C1S: variants seen among roughly 807,000 people sequenced by gnomAD.
The protein encoded by C1S is complement C1s, also known as complement C1s subcomponent.
A neutral mutation model predicts 54.0 loss-of-function variants in C1S; 31 were observed. That is an observed-to-expected ratio of 0.57 (90% CI 0.43 to 0.78). The LOEUF is 0.78. Ranked by LOEUF, C1S falls within the 30% of genes least tolerant of loss-of-function variation. The pLI is 0.00. For missense variants in C1S, 727 were observed against 851.8 expected, an observed-to-expected ratio of 0.85 and a Z score of 1.82; for synonymous variants, 292 against 303.6, an observed-to-expected ratio of 0.96 and a Z score of 0.40.
At position 7,061,832 on chromosome 12, in the gene C1S, C is replaced by G. The variant is rs782546422; in HGVS notation, c.-74-7C>G. ...AGACAAATACAGCCAGGCCTGCCACCCCTTAGGCTCCAAAGTCCGGAGGTG... is the reference window on the plus strand; with the variant it reads ...AGACAAATACAGCCAGGCCTGCCACGCCTTAGGCTCCAAAGTCCGGAGGTG... On this transcript the variant is annotated splice_region_variant and splice_polypyrimidine_tract_variant and intron_variant, in intron 1 of 11. Transcript: ENST00000360817. The G allele has an allele frequency of 6.6e-7, 1 of 1,521,516 alleles. No individual in the cohort carries two copies. Among genetic ancestry groups the G allele is most frequent in the East Asian group, 2.3e-5 (1 of 44,376 alleles). The allele number at this position is 1,521,516 out of a possible 1,614,324, so 94.3% of individuals were successfully genotyped here. A position where few individuals can be genotyped will look rare whatever the true frequency, so the allele number is the denominator to read the frequency against.
At chr12:7,063,348 T>C in intron 4 of C1S, 5 of 522,356 alleles carry the variant, frequency 9.6e-6, no homozygotes, top group South Asian at 8.0e-5. Flanking sequence ...GGATTTTTCC[T>C]ATTTTAACAC....
intron 9 of C1S, 46 bp downstream of exon 9, chr12:7,067,163 GAA>G: frequency 8.1e-7 from 1 of 1,234,978 alleles, no homozygotes; most frequent in South Asian, 1.2e-5. Flanking sequence ...CTCTCAGAGA[GAA>G]TGGAAAGATC....
rs782700707 is a variant in C1S at position 7,067,084 on chromosome 12, G to C, written c.1033G>C (p.Gly345Arg). The change falls in exon 9 of 12, where the codon GGA becomes CGA. Residue 345 changes from glycine to arginine, a missense_variant. Physicochemically the swap from Gly to Arg is moderately radical, Grantham distance 125 (BLOSUM62 -2). Transcript: ENST00000360817. The part of the protein sequence containing the change: ...TSFYSTCQSN[G>R]KWSNSKLKCQ... ...TTTCTATTCGACTTGTCAAAGCAAT[G>C]GAAAGTGGAGTAATTCCAAACTGAA... 1 of 1,611,620 alleles carries C rather than the reference G, an allele frequency of 6.2e-7. No homozygotes were observed. Among genetic ancestry groups the C allele is most frequent in the South Asian group, 1.1e-5 (1 of 91,028 alleles).
Position 7,065,283 on chromosome 12 carries a change from G to T in C1S, c.701G>T (p.Cys234Phe). The T allele has an allele frequency of 6.2e-7, 1 of 1,613,544 alleles. No homozygotes were observed. Among genetic ancestry groups the T allele is most frequent in the Non-Finnish European group, 8.5e-7 (1 of 1,179,444 alleles). ...GAAGCAGCTGACTCAGCGGGAAACTGCCTTGACAGTTTAGTTGTGCGTGAT... is the reference window on the plus strand; with the variant it reads ...GAAGCAGCTGACTCAGCGGGAAACTTCCTTGACAGTTTAGTTGTGCGTGAT... Reference protein sequence around the residue: ...DVEAADSAGNCLDSLVFVAGD... With the variant: ...DVEAADSAGNFLDSLVFVAGD... The change falls in exon 6 of 12, where the codon TGC (cysteine) becomes TTC (phenylalanine). Residue 234 changes from cysteine (C) to phenylalanine (F), a missense_variant. Coordinates refer to ENST00000360817, the MANE Select transcript of C1S (RefSeq NM_001734.5).
chr12:7,064,977 A>G, intron 5 of C1S, 123 bp from the exon 6 acceptor site: 1 of 791,486 alleles, frequency 1.3e-6, no homozygotes, highest in Non-Finnish European at 2.1e-6. Flanking sequence ...CAGTTAGGGC[A>G]GGGATCTCAG....
chr12:7,067,573 C>T, intron 9 of C1S, 70 bp from the exon 10 acceptor site: 6 of 1,577,658 alleles, frequency 3.8e-6, no homozygotes, highest in Non-Finnish European at 5.2e-6. Flanking sequence ...TGAGGATGAA[C>T]CTGGCCCCAT....
At chr12:7,065,056 C>A in intron 5 of C1S, 44 bp from the exon 6 acceptor site, 4 of 1,501,750 alleles carry the variant, frequency 2.7e-6, no homozygotes, top group Non-Finnish European at 3.7e-6. Flanking sequence ...AATTCCTTTG[C>A]TTGACCCTGT....
At position 7,065,096 on chromosome 12, in the gene C1S, T is replaced by C. The variant is rs782017965; in HGVS notation, c.518-4T>C. On this transcript the variant is annotated splice_polypyrimidine_tract_variant and splice_region_variant and intron_variant, in intron 5 of 11. Coordinates refer to ENST00000360817, the MANE Select transcript of C1S (RefSeq NM_001734.5). ...GATTCTCCCTTTCTCTTTTTCTCTG[T>C]TAGTTAATTGCAGTGGGGATGTATT... 1 of 1,610,128 alleles carries C rather than the reference T, an allele frequency of 6.2e-7. No homozygotes were observed. Among genetic ancestry groups the C allele is most frequent in the Non-Finnish European group, 8.5e-7 (1 of 1,176,384 alleles).
In C1S at chr12:7,070,070, C is replaced by T. The variant is rs782400903; in HGVS notation, c.1486C>T (p.Arg496Trp). 95 of 1,613,954 alleles carry T rather than the reference C, an allele frequency of 5.9e-5. No individual in the cohort carries two copies. Among genetic ancestry groups the T allele is most frequent in the Middle Eastern group, 1.7e-4 (1 of 6,054 alleles). Residue 496 changes from arginine to tryptophan, a missense_variant, in exon 12 of 12, where the codon CGG (arginine) becomes TGG (tryptophan). Around this residue, in one of 3 missense-constraint regions of C1S, gnomAD observed 360 missense variants for 453.6 expected, o/e 0.79. Coordinates refer to ENST00000360817, the MANE Select transcript of C1S (RefSeq NM_001734.5). This position sits in a 1 kb window ranked among gnomAD's most constrained non-coding sequence, Gnocchi z 4.9. ...YVGSTSVQTS[R>W]LAKSKMLTPE... ...TGGGTCCACCTCAGTGCAGACCTCA[C>T]GGCTGGCAAAATCCAAGATGCTCAC...
chr12:7,064,444 A>T (rs1947144079), intron 5 of C1S, 52 bp downstream of exon 5: 13 of 1,611,476 alleles, frequency 8.1e-6, no homozygotes, highest in Non-Finnish European at 1.1e-5. Context: ...GGAATGGCTG[A>T]GGCCTCAGAA....
chr12:7,064,529 T>C, intron 5 of C1S, 137 bp downstream of exon 5: 1 of 773,360 alleles, frequency 1.3e-6, no homozygotes, highest in Non-Finnish European at 2.0e-6. Flanking sequence ...TTAGAATTTA[T>C]TTATTTATGT....
Position 7,061,843 on chromosome 12 carries a change from C to T in C1S, c.-70C>T, listed in dbSNP as rs1555161303. The stretch of plus-strand genomic sequence containing the variant: ...GCCAGGCCTGCCACCCCTTAGGCTC[C>T]AAAGTCCGGAGGTGCAGAAAGCCAG... On this transcript the variant is annotated 5_prime_UTR_variant, in exon 2 of 12. Transcript: ENST00000360817. 2 of 1,598,730 alleles carry T rather than the reference C, an allele frequency of 1.3e-6. No individual in the cohort carries two copies. The highest frequency in any genetic ancestry group is 1.7e-6 in the Non-Finnish European group (2 of 1,166,276).
chr12:7,065,596 C>G (rs1430186876), intron 6 of C1S: 1 of 619,824 alleles, frequency 1.6e-6, no homozygotes, highest in Non-Finnish European at 2.8e-6. Context: ...CCTGAAACTC[C>G]TAGCCTCAAG....
At chr12:7,069,549 C>T (rs1363925137) in intron 11 of C1S, among the ~76,000 whole-genome samples, 3 of 152,230 alleles carry the variant, frequency 2.0e-5, no homozygotes, top group Non-Finnish European at 4.4e-5. Context: ...GGACCCCTGC[C>T]TCCAGGGGGG....
At chr12:7,069,046 C>T (rs1479152383) in intron 11 of C1S, among the ~76,000 whole-genome samples, 3 of 152,096 alleles carry the variant, frequency 2.0e-5, no homozygotes, top group African/African-American at 7.2e-5. Flanking sequence ...TTATCTCATT[C>T]GTGTCCGTAT....
intron 11 of C1S, 160 bp downstream of exon 11, chr12:7,068,690 C>T (rs1207495278): frequency 2.5e-5 from 16 of 634,368 alleles, no homozygotes; most frequent in South Asian, 1.6e-4. Flanking sequence ...CTGCCAGGGC[C>T]GTGGGGAACC....
At chr12:7,061,758 C>A in intron 1 of C1S, 81 bp from the exon 2 acceptor site, 1 of 766,982 alleles carries the variant, frequency 1.3e-6, no homozygotes, top group Non-Finnish European at 2.3e-6. Flanking sequence ...GAAGGTGACA[C>A]TGAGCCCCAG....
chr12:7,064,356 G>C lies in C1S; in HGVS notation c.481G>C (p.Glu161Gln), dbSNP rs1555161775. 1.2e-6 allele frequency: 2 copies of C among 1,613,890 alleles called. No homozygotes were observed. Among genetic ancestry groups the C allele is most frequent in the Non-Finnish European group, 1.7e-6 (2 of 1,180,006 alleles). ...TGGTTACTTCTGCTCCTGCCCCCCG[G>C]AATATTTCCTCCATGATGACATGAA... ...IGGYFCSCPP[E>Q]YFLHDDMKNC... The change falls in exon 5 of 12, where the codon GAA becomes CAA. Residue 161 changes from glutamate (E) to glutamine (Q), a missense_variant. This residue lies in a region of C1S where 357 missense variants were observed against 365.4 expected (regional missense o/e 0.98). Transcript: ENST00000360817.
At chr12:7,065,703 T>A in intron 6 of C1S, 114 bp from the exon 7 acceptor site, 1 of 925,990 alleles carries the variant, frequency 1.1e-6, no homozygotes. Flanking sequence ...CTGACCCTTA[T>A]TTTCTTCTTA....
Sources: allele counts gnomAD v4.1 joint callset (sites outside exome capture counted in the v4.1 genomes callset), GRCh38; gene constraint gnomAD v4.1.1; regional missense constraint gnomAD v4.1.1; non-coding constraint Gnocchi (gnomAD v3.1); transcripts MANE v1.5; gene names NCBI Gene and HGNC (gene_info 2026-07-23, HGNC 2026-07-21).